The following AGBL4 variants were observed in gnomAD, a reference collection of about 807,000 sequenced individuals.
AGBL4 encodes the protein AGBL carboxypeptidase 4, also known as cytosolic carboxypeptidase 6.
AGBL4 carries 58 observed loss-of-function variants against 66.4 expected under a neutral mutation model. The observed-to-expected ratio is 0.87, with a 90% CI of 0.71 to 1.09. The LOEUF is 1.09. Among genes scored for constraint, AGBL4 ranks in the 50% least tolerant of loss-of-function variants. The pLI, the probability that AGBL4 is intolerant of heterozygous loss-of-function variation, is 0.00. For missense variants in AGBL4, 579 were observed against 631.0 expected, an observed-to-expected ratio of 0.92 and a Z score of 0.88; for synonymous variants, 234 against 222.9, an observed-to-expected ratio of 1.05 and a Z score of -0.44.
chr1:49,360,778 G>A (rs1225914751), intron 3 of AGBL4, among the ~76,000 whole-genome samples: 1 of 152,094 alleles, frequency 6.6e-6, no homozygotes, highest in African/African-American at 2.4e-5. Flanking sequence ...AATACTGGGA[G>A]AAAACGAATC....
chr1:48,818,664 G>A lies in AGBL4; in HGVS notation c.634+48527C>T, dbSNP rs113038189. Among the ~76,000 whole-genome samples the A allele has an allele frequency of 2.0e-3, 309 of 152,030 alleles. 5 individuals are homozygous for A. The highest frequency in any genetic ancestry group is 6.9e-3 in the African/African-American group (285 of 41,450). ...ATCTAGTCTTAAAAACAATGGTTAT[G>A]AACAACTATATATTAACATGGAAAA... is the stretch of plus-strand genomic sequence containing the variant. On this transcript the variant is annotated intron_variant, in intron 6 of 13. Coordinates refer to ENST00000371839, the MANE Select transcript of AGBL4 (RefSeq NM_032785.4).
chr1:48,808,576 AT>A (rs59330287), intron 6 of AGBL4, among the ~76,000 whole-genome samples: 10,625 of 152,004 alleles, frequency 0.07, 508 homozygotes, highest in East Asian at 0.17. Context: ...GAGAAAACCA[AT>A]TTTTTTTGCC....
intron 4 of AGBL4, among the ~76,000 whole-genome samples, chr1:49,082,802 A>G (rs936734147): frequency 6.6e-6 from 1 of 151,714 alleles, no homozygotes; most frequent in African/African-American, 2.4e-5. Context: ...CCAACATCTC[A>G]TCTGAAACAA....
At chr1:48,547,900 A>C (rs564959723) in intron 11 of AGBL4, among the ~76,000 whole-genome samples, 4 of 152,202 alleles carry the variant, frequency 2.6e-5, no homozygotes, top group African/African-American at 9.6e-5. Context: ...CACTGGGCCT[A>C]ACTTCTCTGT....
intron 5 of AGBL4, among the ~76,000 whole-genome samples, chr1:48,891,455 A>G (rs2148856351): frequency 6.6e-6 from 1 of 152,316 alleles, no homozygotes; most frequent in East Asian, 1.9e-4. Context: ...TGGAGTCATA[A>G]TGATAAATCA....
intron 2 of AGBL4, among the ~76,000 whole-genome samples, chr1:49,753,856 G>A (rs775474956): frequency 1.1e-4 from 17 of 151,848 alleles, no homozygotes; most frequent in Admixed American, 4.6e-4. Flanking sequence ...CCACTTCATC[G>A]ATTCAGCTAT....
In AGBL4 at chr1:49,697,344, T is replaced by C. The variant is rs951075636; in HGVS notation, c.251A>G (p.Asn84Ser). ...TCNPRFRVWFNFTVENVKESQ... is the reference protein window; with the variant it reads ...TCNPRFRVWFSFTVENVKESQ... ...TTCTTTCACATTTTCAACAGTAAAG[T>C]TGAACCAGACTCGGAAGCGTGGATT... Residue 84 changes from asparagine to serine, a missense_variant, in exon 3 of 14, where the codon AAC (asparagine) becomes AGC (serine). Asn to Ser is a conservative substitution (Grantham distance 46). Coordinates refer to ENST00000371839, the MANE Select transcript of AGBL4 (RefSeq NM_032785.4). 14 of 1,547,906 alleles carry C rather than the reference T, an allele frequency of 9.0e-6. No homozygotes were observed. Among genetic ancestry groups the C allele is most frequent in the African/African-American group, 4.1e-5 (3 of 72,974 alleles).
intron 4 of AGBL4, among the ~76,000 whole-genome samples, chr1:49,155,959 A>G (rs1264494633): frequency 6.6e-6 from 1 of 152,192 alleles, no homozygotes; most frequent in Non-Finnish European, 1.5e-5. Flanking sequence ...ATGATGACAG[A>G]GTTCCAGGAA....
intron 3 of AGBL4, among the ~76,000 whole-genome samples, chr1:49,265,361 G>C (rs774463385): frequency 2.6e-5 from 4 of 152,196 alleles, no homozygotes; most frequent in Non-Finnish European, 4.4e-5. Context: ...AACTACACAG[G>C]AGTTTAGGAT....
chr1:49,306,256 T>C (rs1416206016), intron 3 of AGBL4, among the ~76,000 whole-genome samples: 6 of 152,200 alleles, frequency 3.9e-5, no homozygotes, highest in Non-Finnish European at 8.8e-5. Flanking sequence ...ATACATGATA[T>C]CCTTTATGAT....
chr1:49,896,048 T>C (rs1412999865), intron 1 of AGBL4, among the ~76,000 whole-genome samples: 2 of 151,470 alleles, frequency 1.3e-5, no homozygotes, highest in East Asian at 3.9e-4. Context: ...AAAGACATTC[T>C]ATGCAAATGG....
In AGBL4 at chr1:49,913,554, A is replaced by T. The variant is rs549604796; in HGVS notation, c.35-62036T>A. The stretch of plus-strand genomic sequence containing the variant: ...AGAGCCTCATGCCTGCAGCTCTCTC[A>T]TGCTTGAGTTGGATGCTGGTGGCCC... On this transcript the variant is annotated intron_variant, in intron 1 of 13. Transcript: ENST00000371839. Among the ~76,000 whole-genome samples, 3 of 152,294 alleles carry T rather than the reference A, an allele frequency of 2.0e-5. No homozygotes were observed. In the South Asian group the frequency reaches 6.2e-4, roughly 32 times the overall value.
chr1:49,718,791 G>C (rs776802427), intron 2 of AGBL4, among the ~76,000 whole-genome samples: 1 of 151,850 alleles, frequency 6.6e-6, no homozygotes, highest in Non-Finnish European at 1.5e-5. Context: ...ATATAAAGAA[G>C]ATCCTGTAAA....
At chr1:49,878,218 C>T (rs1647086542) in intron 1 of AGBL4, among the ~76,000 whole-genome samples, 1 of 147,748 alleles carries the variant, frequency 6.8e-6, no homozygotes, top group South Asian at 2.2e-4. Flanking sequence ...AATGTGTTTG[C>T]TCTTGCTTTT....
At chr1:48,663,091 GATC>G in intron 7 of AGBL4, 58 bp downstream of exon 7, 2 of 1,497,028 alleles carry the variant, frequency 1.3e-6, no homozygotes, top group Non-Finnish European at 1.9e-6. Context: ...CTGTTCCAGA[GATC>G]ATCACAGTGT....
At chr1:48,588,492 A>G (rs1644859166) in intron 10 of AGBL4, among the ~76,000 whole-genome samples, 1 of 152,206 alleles carries the variant, frequency 6.6e-6, no homozygotes, top group African/African-American at 2.4e-5. Context: ...TTGGGGTTAG[A>G]AGGGCATTCT....
intron 3 of AGBL4, among the ~76,000 whole-genome samples, chr1:49,371,087 G>T (rs544997362): frequency 6.6e-6 from 1 of 152,124 alleles, no homozygotes; most frequent in Non-Finnish European, 1.5e-5. Context: ...TGCACCACAG[G>T]CTCCCCTGGG....
chr1:48,904,006 TG>T (rs1188418326), intron 5 of AGBL4, among the ~76,000 whole-genome samples: 1 of 152,120 alleles, frequency 6.6e-6, no homozygotes, highest in Non-Finnish European at 1.5e-5. Context: ...CGGCCAGGCA[TG>T]GTGGCTCACA....
chr1:49,877,334 T>C (rs1415102053), intron 1 of AGBL4, among the ~76,000 whole-genome samples: 1 of 151,936 alleles, frequency 6.6e-6, no homozygotes, highest in Non-Finnish European at 1.5e-5. Flanking sequence ...ATACGTCCCA[T>C]CAATACCTAA....
Sources: gnomAD v4.1 joint callset for allele counts (sites outside exome capture counted in the v4.1 genomes callset) on GRCh38, gnomAD v4.1.1 for gene constraint, MANE v1.5 for transcripts, NCBI Gene and HGNC (gene_info 2026-07-23, HGNC 2026-07-21) for gene names.